Variants in PLCB4 observed in about 807,000 individuals in gnomAD.
The protein encoded by PLCB4 is phospholipase C beta 4.
In PLCB4, 77 loss-of-function variants were observed where a neutral mutation model predicts 178.8. That is an observed-to-expected ratio of 0.43 (90% CI 0.36 to 0.52). The LOEUF (loss-of-function observed/expected upper bound fraction) is 0.52. PLCB4 is among the 20% of genes least tolerant of loss of function. The pLI is 0.00. For missense variants in PLCB4, 1,024 were observed against 1,453.4 expected (o/e 0.70, Z 4.80); for synonymous variants, 496 against 490.8 (o/e 1.01, Z -0.14).
chr20:9,292,032 T>C (rs1387322124), intron 3 of PLCB4, among the ~76,000 whole-genome samples: 1 of 152,150 alleles, frequency 6.6e-6, no homozygotes, highest in African/African-American at 2.4e-5. Flanking sequence ...TCGTTGTGTG[T>C]GTATGTTTAT....
In PLCB4 at chr20:9,228,455, T is replaced by G. The variant is rs184281945; in HGVS notation, c.-16+11003T>G. Among the ~76,000 whole-genome samples, 25 of 152,268 alleles carry G rather than the reference T, an allele frequency of 1.6e-4. No individual in the cohort carries two copies. In the East Asian group the frequency reaches 4.3e-3, roughly 26 times the overall value. On this transcript the variant is annotated intron_variant, in intron 3 of 39. Coordinates refer to ENST00000378473, the MANE Select transcript of PLCB4 (RefSeq NM_001377142.1). ...TTTGGAAAGAACTTTTGTCTGTGGA[T>G]CCTTAGCAACTACTCTTTAAGCACT...
intron 1 of PLCB4, among the ~76,000 whole-genome samples, chr20:9,069,642 C>T (rs898626422): frequency 7.9e-5 from 12 of 152,266 alleles, no homozygotes; most frequent in African/African-American, 2.4e-4. Context: ...TCATTGGGGG[C>T]AGGGTTCGGG....
At chr20:9,210,596 C>T (rs974063790) in intron 2 of PLCB4, among the ~76,000 whole-genome samples, 2 of 152,156 alleles carry the variant, frequency 1.3e-5, no homozygotes, top group Non-Finnish European at 2.9e-5. Flanking sequence ...TTGTCTGCAG[C>T]ATTCTGTTGC....
chr20:9,278,952 G>A (rs753371342), intron 3 of PLCB4, among the ~76,000 whole-genome samples: 3 of 152,010 alleles, frequency 2.0e-5, no homozygotes, highest in Non-Finnish European at 2.9e-5. Context: ...CTGCCCTCAT[G>A]GAGTTCCCCA....
rs376039378 is a variant in PLCB4, at chr20:9,260,766, A to G, written c.-16+43314A>G. Among the ~76,000 whole-genome samples, 4 of 152,160 alleles carry G rather than the reference A, an allele frequency of 2.6e-5. No homozygotes were observed. The East Asian group carries it at 5.8e-4, about 22-fold the overall frequency. On this transcript the variant is annotated intron_variant, in intron 3 of 39. Coordinates refer to ENST00000378473, the MANE Select transcript of PLCB4 (RefSeq NM_001377142.1). ...TTTCAGAGAGAGAGATGATCATAGA[A>G]TTATGATTTTATTTACTTAGATTTG... is the stretch of plus-strand genomic sequence containing the variant.
chr20:9,307,822 A>C lies in PLCB4; in HGVS notation c.8A>C (p.Lys3Thr). 1 of 1,594,660 alleles carries C rather than the reference A, an allele frequency of 6.3e-7. No homozygotes were observed. Among genetic ancestry groups the C allele is most frequent in the Non-Finnish European group, 8.6e-7 (1 of 1,164,522 alleles). The change falls in exon 4 of 40, where the codon AAA becomes ACA. Residue 3 changes from lysine to threonine, a missense_variant. By Grantham distance (78) the Lys-to-Thr change is moderately conservative. Coordinates refer to ENST00000378473, the MANE Select transcript of PLCB4 (RefSeq NM_001377142.1). ...TAGGTCTTGAATATAATCATGGCCA[A>C]ACCTTATGAATTTAACTGGCAGAAG... is the stretch of plus-strand genomic sequence containing the variant. Reference protein sequence around the residue: MAKPYEFNWQKEV... With the variant: MATPYEFNWQKEV...
At chr20:9,198,658 T>C (rs1482882616) in intron 2 of PLCB4, among the ~76,000 whole-genome samples, 1 of 152,154 alleles carries the variant, frequency 6.6e-6, no homozygotes, top group African/African-American at 2.4e-5. Context: ...AGAGTTATGG[T>C]TTTTATCTTG....
At chr20:9,225,700 C>T (rs1269304687) in intron 3 of PLCB4, among the ~76,000 whole-genome samples, 1 of 152,156 alleles carries the variant, frequency 6.6e-6, no homozygotes, top group Non-Finnish European at 1.5e-5. Flanking sequence ...GAATCTTTTC[C>T]AGAACTGAAA....
intron 3 of PLCB4, among the ~76,000 whole-genome samples, chr20:9,226,992 A>C (rs2093874061): frequency 6.6e-6 from 1 of 151,784 alleles, no homozygotes; most frequent in Non-Finnish European, 1.5e-5. Context: ...GTTTTTTTTA[A>C]ATTAGAGCTT....
chr20:9,412,928 T>C (rs566188587), intron 25 of PLCB4, among the ~76,000 whole-genome samples: 1 of 152,322 alleles, frequency 6.6e-6, no homozygotes, highest in South Asian at 2.1e-4. Context: ...TTGTGTACAT[T>C]TTTTTCTTTA....
intron 2 of PLCB4, among the ~76,000 whole-genome samples, chr20:9,183,977 G>A (rs1483469369): frequency 6.6e-6 from 1 of 152,134 alleles, no homozygotes; most frequent in Non-Finnish European, 1.5e-5. Flanking sequence ...TGAAGAATCT[G>A]CTTTAACGTG....
At chr20:9,303,867 T>G (rs963158327) in intron 3 of PLCB4, among the ~76,000 whole-genome samples, 24 of 152,202 alleles carry the variant, frequency 1.6e-4, no homozygotes, top group African/African-American at 5.8e-4. Flanking sequence ...TAAAATATTC[T>G]GATTAAAGTT....
At chr20:9,341,887 AC>A (rs1293553093) in intron 7 of PLCB4, among the ~76,000 whole-genome samples, 2 of 152,282 alleles carry the variant, frequency 1.3e-5, no homozygotes, top group East Asian at 3.9e-4. Context: ...CAAACTCAAT[AC>A]TATTTGAGCC....
chr20:9,279,967 A>T (rs1189143484), intron 3 of PLCB4, among the ~76,000 whole-genome samples: 1 of 151,958 alleles, frequency 6.6e-6, no homozygotes, highest in Non-Finnish European at 1.5e-5. Context: ...ACTTTACCCC[A>T]CCCTATTGCT....
chr20:9,266,050 T>C (rs576138054), intron 3 of PLCB4, among the ~76,000 whole-genome samples: 1 of 152,218 alleles, frequency 6.6e-6, no homozygotes. Context: ...AGAAATCATT[T>C]GCTAAACATA....
intron 4 of PLCB4, among the ~76,000 whole-genome samples, chr20:9,333,125 G>A (rs2031940413): frequency 6.6e-6 from 1 of 152,060 alleles, no homozygotes; most frequent in African/African-American, 2.4e-5. Flanking sequence ...TTTACATATT[G>A]GCCTGCTGCA....
intron 3 of PLCB4, among the ~76,000 whole-genome samples, chr20:9,254,498 G>C (rs1183416434): frequency 2.0e-5 from 3 of 152,106 alleles, no homozygotes; most frequent in African/African-American, 7.2e-5. Context: ...AGGAGTTCGA[G>C]ACCAGCCTGG....
chr20:9,090,679 A>T (rs2090641479), intron 1 of PLCB4, among the ~76,000 whole-genome samples: 1 of 152,194 alleles, frequency 6.6e-6, no homozygotes, highest in South Asian at 2.1e-4. Flanking sequence ...GCATCTCTGC[A>T]CGTTCATCAC....
At position 9,365,486 on chromosome 20, in the gene PLCB4, A is replaced by G. The variant is rs770481294; in HGVS notation, c.475A>G (p.Asn159Asp). 1 of 1,609,222 alleles carries G rather than the reference A, an allele frequency of 6.2e-7. No homozygotes were observed. Among genetic ancestry groups the G allele is most frequent in the Non-Finnish European group, 8.5e-7 (1 of 1,175,914 alleles). The change falls in exon 9 of 40, where the codon AAC becomes GAC. Residue 159 changes from asparagine to aspartate, a missense_variant. Asn to Asp is a conservative substitution (Grantham distance 23, BLOSUM62 1). This residue lies in a region of PLCB4 where 225 missense variants were observed against 291.0 expected (regional missense o/e 0.77). Coordinates refer to ENST00000378473, the MANE Select transcript of PLCB4 (RefSeq NM_001377142.1). ...KHWMKLAFMT[N>D]TNGKIPVRSI... is the part of the protein sequence containing the mutation. Reference sequence around the variant, plus strand: ...CTGGATGAAATTGGCATTTATGACCAACACAAATGGTAAAATTCCAGTTAG... The same window carrying G: ...CTGGATGAAATTGGCATTTATGACCGACACAAATGGTAAAATTCCAGTTAG...
Sources: gnomAD v4.1 joint callset for allele counts (sites outside exome capture counted in the v4.1 genomes callset) on GRCh38, gnomAD v4.1.1 for gene constraint, gnomAD v4.1.1 regional missense constraint, MANE v1.5 for transcripts, NCBI Gene and HGNC (gene_info 2026-07-23, HGNC 2026-07-21) for gene names.